SORT1: variants seen among roughly 807,000 people sequenced by gnomAD.
SORT1 encodes the protein sortilin.
SORT1 carries 39 observed loss-of-function variants against 101.7 expected under a neutral mutation model. The observed-to-expected ratio is 0.38, with a 90% CI of 0.30 to 0.50. SORT1 has a LOEUF of 0.50. Among genes scored for constraint, SORT1 ranks in the 20% least tolerant of loss-of-function variants. SORT1 has a pLI of 0.90. For synonymous variants in SORT1, 396 were observed against 393.7 expected, an observed-to-expected ratio of 1.01 and a Z score of -0.07; for missense variants, 878 against 1,040.4, an observed-to-expected ratio of 0.84 and a Z score of 2.15.
chr1:109,387,715 G>A (rs138231044), intron 1 of SORT1, among the ~76,000 whole-genome samples: 1,840 of 152,172 alleles, frequency 0.012, 34 homozygotes, highest in Admixed American at 0.059. Flanking sequence ...AACACTTTGG[G>A]GCCGAGGTGG....
chr1:109,333,850 A>C (rs1220241405), intron 11 of SORT1, among the ~76,000 whole-genome samples: 1 of 152,248 alleles, frequency 6.6e-6, no homozygotes, highest in East Asian at 1.9e-4. Flanking sequence ...TTTCCTAGAA[A>C]ATGAATAACA....
rs373949514 is a variant in SORT1, at chr1:109,321,189, G to C, written c.2024+1743C>G. Among the ~76,000 whole-genome samples, 5 of 152,314 alleles carry C rather than the reference G, an allele frequency of 3.3e-5. No homozygotes were observed. In the East Asian group the frequency reaches 7.7e-4, roughly 23 times the overall value. On this transcript the variant is annotated intron_variant, in intron 15 of 19. Coordinates refer to ENST00000256637, the MANE Select transcript of SORT1 (RefSeq NM_002959.7). Reference sequence around the variant, plus strand: ...GCTTCCAAGGAATTTGGGGCTTAATGATGGAAGCAAACCTATAAATAGTAA... The same window carrying C: ...GCTTCCAAGGAATTTGGGGCTTAATCATGGAAGCAAACCTATAAATAGTAA...
intron 10 of SORT1, among the ~76,000 whole-genome samples, 155 bp downstream of exon 10, chr1:109,340,569 T>G (rs1333695764): frequency 6.6e-6 from 1 of 151,314 alleles, no homozygotes; most frequent in Non-Finnish European, 1.5e-5. Context: ...TTAGACATAT[T>G]GCCACAATAA....
Position 109,313,506 on chromosome 1 carries a change from T to C in SORT1, c.*537A>G, listed in dbSNP as rs1450021516. 2.0e-5 allele frequency: 3 copies of C among 153,200 alleles called. No homozygotes were observed. The highest frequency in any genetic ancestry group is 1.9e-4 in the East Asian group (1 of 5,166). The allele number at this position is 153,200 out of a possible 1,614,324, so 9.5% of individuals were successfully genotyped here. On this transcript the variant is annotated 3_prime_UTR_variant, in exon 20 of 20. Coordinates refer to ENST00000256637, the MANE Select transcript of SORT1 (RefSeq NM_002959.7). ...AAGTGGGATCTGTGTGAGGAGCTGGTGTGCAGTGTTCTTGGAGTAGGACTG... is the reference window on the plus strand; with the variant it reads ...AAGTGGGATCTGTGTGAGGAGCTGGCGTGCAGTGTTCTTGGAGTAGGACTG...
At chr1:109,322,671 A>G (rs1647712362) in intron 15 of SORT1, among the ~76,000 whole-genome samples, 1 of 151,976 alleles carries the variant, frequency 6.6e-6, no homozygotes, top group South Asian at 2.1e-4. Context: ...TTGGGATTAT[A>G]GGCGTGCGCC....
chr1:109,350,846 C>A, intron 6 of SORT1, 83 bp downstream of exon 6: 1 of 926,174 alleles, frequency 1.1e-6, no homozygotes, highest in Non-Finnish European at 1.8e-6. Flanking sequence ...ACAGTAAGTG[C>A]TCAATATTTA....
intron 1 of SORT1, chr1:109,393,317 G>A (rs1653020900): frequency 4.1e-6 from 4 of 985,000 alleles, no homozygotes; most frequent in African/African-American, 1.7e-5. Context: ...AGGGAGGACA[G>A]AAAATAAGCA....
At chr1:109,326,164 C>T (rs1405893245) in intron 13 of SORT1, among the ~76,000 whole-genome samples, 4 of 148,762 alleles carry the variant, frequency 2.7e-5, no homozygotes, top group Non-Finnish European at 5.9e-5. Flanking sequence ...CCTCCCACCT[C>T]GGCCTCCCAA....
chr1:109,389,573 A>C (rs1652781059), intron 1 of SORT1, among the ~76,000 whole-genome samples: 1 of 152,206 alleles, frequency 6.6e-6, no homozygotes, highest in Admixed American at 6.5e-5. Flanking sequence ...CCATGATTCA[A>C]ACCATTAAGC....
At chr1:109,355,296 C>T in intron 4 of SORT1, 71 bp downstream of exon 4, 1 of 802,504 alleles carries the variant, frequency 1.2e-6, no homozygotes, top group South Asian at 1.4e-5. Context: ...TGGACCATGC[C>T]AATACTAATA....
At chr1:109,320,134 T>C (rs1187643245) in intron 15 of SORT1, among the ~76,000 whole-genome samples, 1 of 152,122 alleles carries the variant, frequency 6.6e-6, no homozygotes, top group African/African-American at 2.4e-5. Context: ...AGGGGGCAGG[T>C]ATAATGCATT....
chr1:109,394,753 A>G (rs1053584238), intron 1 of SORT1, among the ~76,000 whole-genome samples: 1 of 152,150 alleles, frequency 6.6e-6, no homozygotes, highest in African/African-American at 2.4e-5. Context: ...ACATACATTG[A>G]TGATGTGAAT....
chr1:109,323,633 C>T (rs771468191), intron 14 of SORT1, among the ~76,000 whole-genome samples: 6 of 152,200 alleles, frequency 3.9e-5, no homozygotes, highest in Admixed American at 2.6e-4. Flanking sequence ...GCTCAGTTGA[C>T]CGGCTCTCAA....
chr1:109,347,200 T>C (rs1649663249), intron 7 of SORT1, among the ~76,000 whole-genome samples: 1 of 152,362 alleles, frequency 6.6e-6, no homozygotes, highest in East Asian at 1.9e-4. Flanking sequence ...GAAATAACCA[T>C]GCATTTCAAT....
chr1:109,324,960 A>T lies in SORT1; in HGVS notation c.1773T>A (p.Ser591=). 6.2e-7 allele frequency: 1 copy of T among 1,613,918 alleles called. No homozygotes were observed. The highest frequency in any genetic ancestry group is 8.5e-7 in the Non-Finnish European group (1 of 1,179,810). The change falls in exon 14 of 20, where the codon TCT becomes TCA. Residue 591 remains serine (S), a synonymous_variant. Transcript: ENST00000256637. ...AGGAGACCCACTGGCTGGTCAGGAA[A>T]GATTCTGTGAAGCCCCAAATGCTGA... is the stretch of plus-strand genomic sequence containing the variant. ...MNISIWGFTE[S]FLTSQWVSYT... is the part of the protein sequence containing the mutation.
intron 11 of SORT1, among the ~76,000 whole-genome samples, chr1:109,331,743 T>C (rs898511992): frequency 3.3e-5 from 5 of 152,000 alleles, no homozygotes; most frequent in African/African-American, 4.8e-5. Flanking sequence ...AGAGGTAAAA[T>C]TGTCTGTCTG....
intron 3 of SORT1, among the ~76,000 whole-genome samples, chr1:109,358,568 CT>C (rs966575446): frequency 2.0e-4 from 31 of 152,152 alleles, no homozygotes; most frequent in Non-Finnish European, 3.7e-4. Flanking sequence ...AGAAACAAGT[CT>C]TTTTGGCCGG....
chr1:109,375,851 T>C (rs1651798443), intron 1 of SORT1, among the ~76,000 whole-genome samples: 1 of 152,144 alleles, frequency 6.6e-6, no homozygotes, highest in South Asian at 2.1e-4. Flanking sequence ...TGTAATTCTA[T>C]AGCAAGTGAA....
chr1:109,339,452 T>G (rs1454796476), intron 10 of SORT1, among the ~76,000 whole-genome samples: 1 of 152,182 alleles, frequency 6.6e-6, no homozygotes, highest in African/African-American at 2.4e-5. Context: ...AGAAGCTTCC[T>G]CAACGAAGAT....
Sources: allele counts gnomAD v4.1 joint callset (sites outside exome capture counted in the v4.1 genomes callset), GRCh38; gene constraint gnomAD v4.1.1; transcripts MANE v1.5; gene names NCBI Gene and HGNC (gene_info 2026-07-23, HGNC 2026-07-21).